The following PPP2R3B variants were observed in gnomAD, a reference collection of about 807,000 sequenced individuals.
PPP2R3B encodes serine/threonine-protein phosphatase 2A regulatory subunit B'' subunit beta.
Under a neutral mutation model 72.9 loss-of-function variants are expected in PPP2R3B, and 68 were observed. The ratio of observed to expected loss-of-function variants is 0.93; its 90% CI spans 0.77 to 1.14. The LOEUF is 1.14. Ranked by LOEUF, PPP2R3B falls within the 50% of genes most tolerant of loss-of-function variation. PPP2R3B has a pLI of 0.00. For synonymous variants in PPP2R3B, 466 were observed against 375.8 expected, an observed-to-expected ratio of 1.24 and a Z score of -2.78; for missense variants, 1,018 against 842.0, an observed-to-expected ratio of 1.21 and a Z score of -2.59.
chrX:357,260 T>A (rs766234686), intron 2 of PPP2R3B, among the ~76,000 whole-genome samples: 1 of 152,224 alleles, frequency 6.6e-6, no homozygotes, highest in Non-Finnish European at 1.5e-5. Flanking sequence ...CGGTCCTGCC[T>A]ATGAGGATGG....
chrX:384,261 A>ACT (rs766359373), intron 1 of PPP2R3B, among the ~76,000 whole-genome samples: 3,463 of 142,304 alleles, frequency 0.024, 89 homozygotes, highest in African/African-American at 0.068. Context: ...ACGCAAGAAG[A>ACT]CTCTCTCTCT....
intron 2 of PPP2R3B, among the ~76,000 whole-genome samples, chrX:352,130 A>T (rs754958441): frequency 6.6e-6 from 1 of 152,368 alleles, no homozygotes; most frequent in Non-Finnish European, 1.5e-5. Flanking sequence ...AAGTAAATGG[A>T]GATAATCAAC....
chrX:376,352 A>G (rs1170037767), intron 1 of PPP2R3B, among the ~76,000 whole-genome samples: 1 of 152,150 alleles, frequency 6.6e-6, no homozygotes, highest in African/African-American at 2.4e-5. Context: ...CCGATGCAGA[A>G]CCCGCACCAC....
Position 386,779 on chromosome X carries a change from T to C in PPP2R3B, c.-88A>G, listed in dbSNP as rs2072267387. 4.9e-6 allele frequency: 4 copies of C among 822,710 alleles called. No homozygotes were observed. The East Asian group carries it at 1.9e-4, about 38-fold the overall frequency. The allele number at this position is 822,710 out of a possible 1,614,324, so 51.0% of individuals were successfully genotyped here. On this transcript the variant is annotated 5_prime_UTR_variant, in exon 1 of 13. Coordinates refer to ENST00000390665, the MANE Select transcript of PPP2R3B (RefSeq NM_013239.5). ...GTCCGCCCCGGACCGACCTCGGTGA[T>C]GCGAGCACGGCCCGCTGAGGGGGCG...
At chrX:376,881 G>A (rs2072009507) in intron 1 of PPP2R3B, among the ~76,000 whole-genome samples, 1 of 97,998 alleles carries the variant, frequency 1.0e-5, no homozygotes, top group Admixed American at 9.1e-5. Context: ...CTGTATGCAG[G>A]GACGGGCCGT....
chrX:358,438 C>G (rs899019964), intron 2 of PPP2R3B, among the ~76,000 whole-genome samples: 1 of 92,246 alleles, frequency 1.1e-5, no homozygotes, highest in Admixed American at 1.3e-4. Flanking sequence ...TCGGTGCGTG[C>G]AGGCACAGTG....
intron 1 of PPP2R3B, among the ~76,000 whole-genome samples, chrX:380,367 A>G (rs781071695): frequency 1.3e-5 from 2 of 152,364 alleles, no homozygotes; most frequent in Admixed American, 6.5e-5. Context: ...CAGTGATAAC[A>G]TAACCCAATT....
intron 1 of PPP2R3B, among the ~76,000 whole-genome samples, chrX:367,253 T>C (rs373585053): frequency 6.6e-5 from 10 of 151,938 alleles, no homozygotes; most frequent in African/African-American, 2.4e-4. Flanking sequence ...GTGATAACAA[T>C]GTATGTTCAA....
intron 1 of PPP2R3B, among the ~76,000 whole-genome samples, chrX:374,726 A>C (rs1230859589): frequency 7.2e-5 from 11 of 152,170 alleles, no homozygotes; most frequent in Admixed American, 2.6e-4. Context: ...TGCATCTGTT[A>C]CAGTCAATAA....
chrX:364,315 G>A (rs1258987112), intron 1 of PPP2R3B, among the ~76,000 whole-genome samples: 1 of 152,068 alleles, frequency 6.6e-6, no homozygotes, highest in African/African-American at 2.4e-5. Flanking sequence ...CCCGAGAACT[G>A]ACGGCTACAG....
chrX:356,942 C>T (rs1468016533), intron 2 of PPP2R3B, among the ~76,000 whole-genome samples: 1 of 150,378 alleles, frequency 6.6e-6, no homozygotes, highest in African/African-American at 2.4e-5. Flanking sequence ...CACAGCGAGC[C>T]CCACAGTATC....
At chrX:341,557 G>T (rs2071077709) in intron 8 of PPP2R3B, 161 bp from the exon 9 acceptor site, 1 of 763,156 alleles carries the variant, frequency 1.3e-6, no homozygotes, top group Non-Finnish European at 2.2e-6. Context: ...GGAGGAGGTG[G>T]AGGCCCCGTG....
At chrX:383,837 C>CAAAAA (rs757960788) in intron 1 of PPP2R3B, among the ~76,000 whole-genome samples, 606 of 45,512 alleles carry the variant, frequency 0.013, 29 homozygotes, top group Non-Finnish European at 0.019. Context: ...GACTCCGTCT[C>CAAAAA]AAAAAAAAAA....
In PPP2R3B at chrX:347,639, C is replaced by G; in HGVS notation, c.565G>C (p.Glu189Gln). The G allele has an allele frequency of 1.3e-6, 2 of 1,576,490 alleles. No homozygotes were observed. The highest frequency in any genetic ancestry group is 1.7e-6 in the Non-Finnish European group (2 of 1,161,294). The change falls in exon 3 of 13, where the codon GAG becomes CAG. Residue 189 changes from glutamate (E) to glutamine (Q), a missense_variant. Glu to Gln is a conservative substitution (Grantham distance 29, BLOSUM62 2). Transcript: ENST00000390665. ...TGGACGGACACGGAGCCCGTGCGCTCCCCGCCGGCGCCATAGAAGAGCGGC... is the reference window on the plus strand; with the variant it reads ...TGGACGGACACGGAGCCCGTGCGCTGCCCGCCGGCGCCATAGAAGAGCGGC... ...KGPLFYGAGGERTGSVSVHKF... is the reference protein window; with the variant it reads ...KGPLFYGAGGQRTGSVSVHKF...
intron 7 of PPP2R3B, chrX:342,213 A>G (rs1215165527): frequency 1.7e-6 from 1 of 583,660 alleles, no homozygotes. Context: ...CCTCAAAGGT[A>G]CAGCTTTCAG....
chrX:364,658 C>T (rs1233781651), intron 1 of PPP2R3B, among the ~76,000 whole-genome samples: 1 of 129,800 alleles, frequency 7.7e-6, no homozygotes, highest in Admixed American at 7.8e-5. Flanking sequence ...GCGGAGGTTG[C>T]AGTGAGCTGA....
chrX:340,679 C>T lies in PPP2R3B; in HGVS notation c.1351+86G>A. ...CATCCGTCCCCTCTCCCTGGGCCGTCCTCTCGCCCGTCCGTCCCCTCACCC... is the reference window on the plus strand; with the variant it reads ...CATCCGTCCCCTCTCCCTGGGCCGTTCTCTCGCCCGTCCGTCCCCTCACCC... On this transcript the variant is annotated intron_variant, in intron 10 of 12. Transcript: ENST00000390665. The T allele has an allele frequency of 3.3e-6, 5 of 1,525,486 alleles. No homozygotes were observed. The South Asian group carries it at 4.8e-5, about 15-fold the overall frequency. The allele number at this position is 1,525,486 out of a possible 1,614,324, so 94.5% of individuals were successfully genotyped here.
At chrX:339,268 T>C (rs1419890208) in intron 10 of PPP2R3B, among the ~76,000 whole-genome samples, 1 of 55,294 alleles carries the variant, frequency 1.8e-5, no homozygotes, top group African/African-American at 6.4e-5. Flanking sequence ...AGGCGCCCCA[T>C]GGCCGGGGGG....
Position 340,454 on chromosome X carries a change from C to A in PPP2R3B, c.1351+311G>T, listed in dbSNP as rs180680918. 3.3e-4 allele frequency among the ~76,000 whole-genome samples: 27 copies of A among 83,030 alleles called. 1 individual carries two copies. The highest frequency in any genetic ancestry group is 2.8e-3 in the Admixed American group (26 of 9,236). The allele number at this position is 83,030 out of a possible 152,430, so 54.5% of individuals were successfully genotyped here. ...CGTCCCCTCACCCTGGTCCGTCCCC[C>A]CTCCCGTCTGTCCCCTCACCCTGGG... On this transcript the variant is annotated intron_variant, in intron 10 of 12. Transcript: ENST00000390665.
Sources: allele counts gnomAD v4.1 joint callset (sites outside exome capture counted in the v4.1 genomes callset), GRCh38; gene constraint gnomAD v4.1.1; transcripts MANE v1.5; gene names NCBI Gene and HGNC (gene_info 2026-07-23, HGNC 2026-07-21).